Variants in ADAMTSL1 observed in about 807,000 individuals in gnomAD.
ADAMTSL1 encodes ADAMTS-like protein 1.
ADAMTSL1 carries 126 observed loss-of-function variants against 201.8 expected under a neutral mutation model. The observed-to-expected ratio is 0.62, with a 90% CI of 0.54 to 0.72. ADAMTSL1 has a LOEUF of 0.72. ADAMTSL1 is among the 30% of genes least tolerant of loss of function. The pLI is 0.00. For missense variants in ADAMTSL1, 2,679 were observed against 2,277.8 expected (o/e 1.18, Z -3.59); for synonymous variants, 1,121 against 903.4 (o/e 1.24, Z -4.32).
intron 2 of ADAMTSL1, among the ~76,000 whole-genome samples, chr9:18,521,995 C>T (rs917093958): frequency 3.3e-5 from 5 of 152,134 alleles, no homozygotes; most frequent in African/African-American, 1.2e-4. Flanking sequence ...GTCTGAACCA[C>T]AGATGAAGAC....
intron 2 of ADAMTSL1, among the ~76,000 whole-genome samples, chr9:18,287,071 T>C (rs1337247096): frequency 1.3e-5 from 2 of 152,216 alleles, no homozygotes; most frequent in African/African-American, 4.8e-5. Context: ...TCTTCTGTTA[T>C]ATGTCTGCCA....
At chr9:18,187,248 C>T (rs1001483284) in intron 2 of ADAMTSL1, among the ~76,000 whole-genome samples, 2 of 152,118 alleles carry the variant, frequency 1.3e-5, no homozygotes, top group Non-Finnish European at 2.9e-5. Context: ...CCATGGAGTA[C>T]AGTCCTTATA....
At chr9:18,676,058 C>T (rs374702995) in intron 10 of ADAMTSL1, 151 bp downstream of exon 10, 2 of 757,914 alleles carry the variant, frequency 2.6e-6, no homozygotes, top group Admixed American at 2.4e-5. Context: ...CTGAGTTCTG[C>T]TTTTGAATAA....
chr9:18,770,500 T>C (rs1820627340), intron 16 of ADAMTSL1, 102 bp from the exon 17 acceptor site: 1 of 1,228,898 alleles, frequency 8.1e-7, no homozygotes, highest in East Asian at 2.6e-5. Flanking sequence ...TTCTGGATTT[T>C]TTTTTCTTCC....
At chr9:18,677,715 A>G (rs1051826811) in intron 10 of ADAMTSL1, among the ~76,000 whole-genome samples, 2 of 152,066 alleles carry the variant, frequency 1.3e-5, no homozygotes, top group Non-Finnish European at 2.9e-5. Context: ...TCCCAATGGT[A>G]TATTAAAACG....
At chr9:18,010,037 T>A (rs1181916715) in intron 1 of ADAMTSL1, among the ~76,000 whole-genome samples, 3 of 152,042 alleles carry the variant, frequency 2.0e-5, no homozygotes, top group African/African-American at 7.2e-5. Flanking sequence ...AATCTAAGAA[T>A]AATGCTTTCT....
chr9:18,006,004 T>A (rs1819804105), intron 1 of ADAMTSL1, among the ~76,000 whole-genome samples: 1 of 151,910 alleles, frequency 6.6e-6, no homozygotes, highest in African/African-American at 2.4e-5. Context: ...GAATTCCTAG[T>A]GTAAACTACA....
At chr9:18,271,410 G>A (rs1341891493) in intron 2 of ADAMTSL1, among the ~76,000 whole-genome samples, 1 of 151,994 alleles carries the variant, frequency 6.6e-6, no homozygotes, top group Non-Finnish European at 1.5e-5. Context: ...CCACCTATGA[G>A]TGAGAACATG....
chr9:18,849,051 C>T (rs953141507), intron 23 of ADAMTSL1, among the ~76,000 whole-genome samples: 13 of 152,228 alleles, frequency 8.5e-5, no homozygotes, highest in African/African-American at 3.1e-4. Context: ...CCTTTCTCAT[C>T]AACCTCAGCT....
At chr9:18,610,878 G>T (rs1487924152) in intron 4 of ADAMTSL1, among the ~76,000 whole-genome samples, 1 of 152,134 alleles carries the variant, frequency 6.6e-6, no homozygotes, top group African/African-American at 2.4e-5. Flanking sequence ...GAGTTTAATT[G>T]TGTGTAGAAT....
intron 15 of ADAMTSL1, among the ~76,000 whole-genome samples, chr9:18,748,626 A>G (rs1403096941): frequency 1.3e-5 from 2 of 152,168 alleles, no homozygotes; most frequent in East Asian, 3.9e-4. Flanking sequence ...AGTTGTGTAG[A>G]GGACATAACT....
At chr9:18,538,419 T>TG (rs1819928190) in intron 3 of ADAMTSL1, among the ~76,000 whole-genome samples, 3 of 151,920 alleles carry the variant, frequency 2.0e-5, no homozygotes, top group African/African-American at 7.3e-5. Flanking sequence ...ACTCAAACAG[T>TG]GAGAGATTTG....
chr9:18,728,001 A>C (rs979819326), intron 15 of ADAMTSL1, among the ~76,000 whole-genome samples: 1 of 151,870 alleles, frequency 6.6e-6, no homozygotes, highest in African/African-American at 2.4e-5. Context: ...AGCCGCTTGA[A>C]CCCAGGAGGA....
intron 2 of ADAMTSL1, among the ~76,000 whole-genome samples, chr9:18,207,483 A>G (rs911463400): frequency 2.6e-5 from 4 of 152,298 alleles, no homozygotes; most frequent in East Asian, 3.9e-4. Flanking sequence ...GCTTGGTCAA[A>G]TAGTTAGGTA....
At chr9:18,214,621 A>T (rs1829997654) in intron 2 of ADAMTSL1, among the ~76,000 whole-genome samples, 1 of 152,246 alleles carries the variant, frequency 6.6e-6, no homozygotes. Context: ...GTCTTTGCAG[A>T]AGCTAACTTT....
chr9:18,610,792 T>G (rs1277521721), intron 4 of ADAMTSL1, among the ~76,000 whole-genome samples: 1 of 152,166 alleles, frequency 6.6e-6, no homozygotes, highest in East Asian at 1.9e-4. Flanking sequence ...TCTCTAACGT[T>G]GACACACAAA....
intron 2 of ADAMTSL1, among the ~76,000 whole-genome samples, chr9:18,415,450 G>A (rs960644171): frequency 1.3e-4 from 20 of 152,066 alleles, no homozygotes; most frequent in African/African-American, 3.1e-4. Context: ...TAGCTGTTGC[G>A]GAAGAAAATA....
At chr9:18,254,184 C>T (rs1831577758) in intron 2 of ADAMTSL1, among the ~76,000 whole-genome samples, 1 of 151,996 alleles carries the variant, frequency 6.6e-6, no homozygotes, top group African/African-American at 2.4e-5. Flanking sequence ...ACGTCCACCT[C>T]ACTGGTTTGC....
intron 2 of ADAMTSL1, among the ~76,000 whole-genome samples, chr9:18,368,074 T>A (rs1182290402): frequency 6.6e-6 from 1 of 151,558 alleles, no homozygotes; most frequent in Non-Finnish European, 1.5e-5. Context: ...TAATTTTTTT[T>A]TTTTTAATTT....
Sources: gnomAD v4.1 joint callset for allele counts (sites outside exome capture counted in the v4.1 genomes callset) on GRCh38, gnomAD v4.1.1 for gene constraint, MANE v1.5 for transcripts, NCBI Gene and HGNC (gene_info 2026-07-23, HGNC 2026-07-21) for gene names.